CHODL: variants seen among roughly 807,000 people sequenced by gnomAD.
CHODL encodes the protein transmembrane protein MT75.
Under a neutral mutation model 34.5 loss-of-function variants are expected in CHODL, and 29 were observed. That is an observed-to-expected ratio of 0.84 (90% CI 0.63 to 1.15). The LOEUF is 1.15. CHODL is among the 50% of genes most tolerant of loss of function. The pLI is 0.00. For synonymous variants in CHODL, 125 were observed against 116.1 expected (o/e 1.08, Z -0.49); for missense variants, 332 against 332.5 (o/e 1.00, Z 0.01).
At chr21:18,213,236 A>G (rs1170217973) in intron 2 of CHODL, among the ~76,000 whole-genome samples, 1 of 152,096 alleles carries the variant, frequency 6.6e-6, no homozygotes, top group Non-Finnish European at 1.5e-5. Context: ...ACCTTTAATA[A>G]CTGTAAGGCT....
chr21:18,017,187 G>T (rs1371798947), intron 1 of CHODL, among the ~76,000 whole-genome samples: 1 of 152,164 alleles, frequency 6.6e-6, no homozygotes, highest in African/African-American at 2.4e-5. Flanking sequence ...AAGGCCATGA[G>T]ATTTGGAAGG....
intron 1 of CHODL, among the ~76,000 whole-genome samples, chr21:18,001,749 C>T (rs2063908266): frequency 6.8e-6 from 1 of 147,662 alleles, no homozygotes; most frequent in African/African-American, 2.5e-5. Flanking sequence ...AGAGAGAATT[C>T]ATGCCATACG....
chr21:18,219,520 G>T (rs2073862442), intron 2 of CHODL, among the ~76,000 whole-genome samples: 1 of 152,098 alleles, frequency 6.6e-6, no homozygotes, highest in South Asian at 2.1e-4. Context: ...TTATATAGTG[G>T]CTATACAAAT....
rs548393529 is a variant in CHODL, at chr21:18,076,222, G to A, written c.-45+48251G>A. ...TGGAAGAGTTGTGAAGTGCATGCTA[G>A]AACAAACTTCTTAGAGAATACCTGA... On this transcript the variant is annotated intron_variant, in intron 2 of 6. Transcript: ENST00000400127. Among the ~76,000 whole-genome samples, 32 of 152,272 alleles carry A rather than the reference G, an allele frequency of 2.1e-4. 1 individual carries two copies. The South Asian group carries it at 3.9e-3, about 19-fold the overall frequency.
intron 2 of CHODL, among the ~76,000 whole-genome samples, chr21:18,081,534 A>G (rs2064941281): frequency 6.6e-6 from 1 of 152,096 alleles, no homozygotes; most frequent in African/African-American, 2.4e-5. Context: ...TACAAAAATT[A>G]GCCAGGCATG....
chr21:17,994,601 G>A (rs1049122610), intron 1 of CHODL, among the ~76,000 whole-genome samples: 2 of 152,182 alleles, frequency 1.3e-5, no homozygotes, highest in African/African-American at 2.4e-5. Flanking sequence ...TTCCAGGCCC[G>A]TGGAGGTTGT....
chr21:18,231,999 G>A (rs1283556674), intron 2 of CHODL, among the ~76,000 whole-genome samples: 1 of 152,010 alleles, frequency 6.6e-6, no homozygotes, highest in Non-Finnish European at 1.5e-5. Context: ...TCCAGGCCTG[G>A]TCTATGCGGA....
In CHODL at chr21:18,122,301, C is replaced by A. The variant is rs374662989; in HGVS notation, c.-45+94330C>A. On this transcript the variant is annotated intron_variant, in intron 2 of 6. Transcript: ENST00000400127. Reference sequence around the variant, plus strand: ...CATTCTTTTTAAAACCTTTTAATATCTTTTAATATTATATACTTTCTTACG... The same window carrying A: ...CATTCTTTTTAAAACCTTTTAATATATTTTAATATTATATACTTTCTTACG... 4.8e-4 allele frequency among the ~76,000 whole-genome samples: 73 copies of A among 152,192 alleles called. 1 individual carries two copies. The South Asian group carries it at 0.013, about 28-fold the overall frequency.
At chr21:18,203,126 C>A (rs1023388082) in intron 2 of CHODL, among the ~76,000 whole-genome samples, 1 of 152,094 alleles carries the variant, frequency 6.6e-6, no homozygotes, top group African/African-American at 2.4e-5. Context: ...TATTCACTTA[C>A]ATTATTTAGT....
intron 1 of CHODL, among the ~76,000 whole-genome samples, chr21:18,020,314 TA>T (rs1200706128): frequency 1.3e-5 from 2 of 152,156 alleles, no homozygotes; most frequent in Non-Finnish European, 2.9e-5. Flanking sequence ...AATTGTAGTC[TA>T]AGTCAAGGAA....
intron 2 of CHODL, among the ~76,000 whole-genome samples, chr21:18,239,237 A>G (rs1029227130): frequency 3.9e-5 from 6 of 152,150 alleles, no homozygotes; most frequent in African/African-American, 1.4e-4. Context: ...GGATAAAGAA[A>G]GGTTTACGGG....
intron 1 of CHODL, among the ~76,000 whole-genome samples, chr21:17,955,186 C>A (rs2063486954): frequency 7.3e-6 from 1 of 136,314 alleles, no homozygotes; most frequent in Admixed American, 7.2e-5. Flanking sequence ...AATTCAGCCA[C>A]CTTAAAAATG....
intron 2 of CHODL, among the ~76,000 whole-genome samples, chr21:18,087,679 A>C (rs1393470080): frequency 1.3e-5 from 2 of 152,050 alleles, no homozygotes; most frequent in Non-Finnish European, 2.9e-5. Context: ...AGGGGCAGGG[A>C]TCCTCCCAGG....
intron 2 of CHODL, among the ~76,000 whole-genome samples, chr21:18,053,566 A>C (rs762801153): frequency 1.3e-5 from 2 of 151,962 alleles, no homozygotes; most frequent in East Asian, 3.9e-4. Flanking sequence ...CATTGATTCT[A>C]TCAAACTTTC....
chr21:18,000,945 C>T (rs1340159413), intron 1 of CHODL, among the ~76,000 whole-genome samples: 4 of 151,724 alleles, frequency 2.6e-5, no homozygotes, highest in African/African-American at 9.7e-5. Context: ...GCAACTTGAT[C>T]CTAAAGATTA....
intron 1 of CHODL, among the ~76,000 whole-genome samples, chr21:17,950,228 G>A (rs981689291): frequency 4.6e-5 from 7 of 151,850 alleles, no homozygotes; most frequent in Admixed American, 3.3e-4. Flanking sequence ...CCAAGGAAAA[G>A]CAGACTTGTT....
chr21:18,097,765 C>A (rs2065157481), intron 2 of CHODL, among the ~76,000 whole-genome samples: 2 of 151,784 alleles, frequency 1.3e-5, no homozygotes, highest in African/African-American at 4.8e-5. Context: ...GCAAAAGATA[C>A]CTTGAGCAAA....
Position 18,262,463 on chromosome 21 carries a change from AT to A in CHODL, c.635-327del, listed in dbSNP as rs570919542. ...GAATGCTGTAGACAACTGTAACATA[AT>A]GGAATTTGTATATCAAAACCTATCT... On this transcript the variant is annotated intron_variant, in intron 4 of 5. Coordinates refer to ENST00000299295, the MANE Select transcript of CHODL (RefSeq NM_024944.3). Among the ~76,000 whole-genome samples, 431 of 152,280 alleles carry A rather than the reference AT, an allele frequency of 2.8e-3. 1 individual carries two copies. The highest frequency in any genetic ancestry group is 0.01 in the African/African-American group (423 of 41,564).
chr21:17,943,169 G>A (rs1010942965), intron 1 of CHODL, among the ~76,000 whole-genome samples: 1 of 152,206 alleles, frequency 6.6e-6, no homozygotes, highest in African/African-American at 2.4e-5. Flanking sequence ...AAAGTCCATA[G>A]TAAGTTGACT....
Sources: gnomAD v4.1 joint callset for allele counts (sites outside exome capture counted in the v4.1 genomes callset) on GRCh38, gnomAD v4.1.1 for gene constraint, MANE v1.5 for transcripts, NCBI Gene and HGNC (gene_info 2026-07-23, HGNC 2026-07-21) for gene names.